Variants in SNTG1 observed in about 807,000 individuals in gnomAD.
The protein encoded by SNTG1 is gamma-1-syntrophin.
In SNTG1, 39 loss-of-function variants were observed where a neutral mutation model predicts 74.7. The observed-to-expected ratio is 0.52, with a 90% CI of 0.40 to 0.68. SNTG1 has a LOEUF of 0.68. Among genes scored for constraint, SNTG1 ranks in the 30% least tolerant of loss-of-function variants. SNTG1 has a pLI of 0.00. For synonymous variants in SNTG1, 254 were observed against 217.1 expected, an observed-to-expected ratio of 1.17 and a Z score of -1.49; for missense variants, 685 against 609.5, an observed-to-expected ratio of 1.12 and a Z score of -1.30.
chr8:50,365,501 A>G (rs945405099), intron 2 of SNTG1, among the ~76,000 whole-genome samples: 6 of 152,128 alleles, frequency 3.9e-5, no homozygotes, highest in African/African-American at 1.2e-4. Context: ...TGCTAGTCAA[A>G]TAATAAGAAA....
chr8:50,577,465 T>A (rs1041983864), intron 12 of SNTG1, among the ~76,000 whole-genome samples: 1 of 151,604 alleles, frequency 6.6e-6, no homozygotes. Context: ...TTTTTTGTTT[T>A]TTTTTTTCTT....
intron 2 of SNTG1, among the ~76,000 whole-genome samples, chr8:50,207,543 G>T (rs1344913478): frequency 6.6e-6 from 1 of 151,840 alleles, no homozygotes; most frequent in African/African-American, 2.4e-5. Flanking sequence ...TTTTTTGAAG[G>T]GTTTTTTTGT....
At chr8:50,496,981 G>A (rs1353240272) in intron 8 of SNTG1, among the ~76,000 whole-genome samples, 27 of 147,270 alleles carry the variant, frequency 1.8e-4, no homozygotes, top group South Asian at 2.1e-4. Context: ...AAGAAAAATT[G>A]AAAAAAAAAA....
chr8:50,004,137 A>G (rs1814997658), intron 1 of SNTG1, among the ~76,000 whole-genome samples: 1 of 152,072 alleles, frequency 6.6e-6, no homozygotes, highest in African/African-American at 2.4e-5. Context: ...ACCATTAATG[A>G]TTTTTGTAAG....
intron 13 of SNTG1, among the ~76,000 whole-genome samples, chr8:50,592,313 T>A (rs2094696942): frequency 6.6e-6 from 1 of 152,228 alleles, no homozygotes; most frequent in African/African-American, 2.4e-5. Context: ...AATGGTGAAT[T>A]ATTTTTTAAT....
intron 15 of SNTG1, among the ~76,000 whole-genome samples, chr8:50,702,982 T>C (rs557986431): frequency 6.6e-6 from 1 of 152,326 alleles, no homozygotes; most frequent in East Asian, 1.9e-4. Flanking sequence ...TGAATGGAGT[T>C]TGCAGAATGG....
intron 2 of SNTG1, among the ~76,000 whole-genome samples, chr8:50,180,864 G>A (rs935778928): frequency 2.7e-5 from 4 of 146,042 alleles, no homozygotes; most frequent in South Asian, 2.2e-4. Flanking sequence ...AGGTTCAAGC[G>A]ACTCTCCGGC....
intron 12 of SNTG1, among the ~76,000 whole-genome samples, chr8:50,570,334 A>G (rs1249114339): frequency 7.1e-6 from 1 of 141,822 alleles, no homozygotes; most frequent in African/African-American, 2.6e-5. Context: ...TCTCGGTTCA[A>G]TGCAACCTCC....
chr8:50,218,936 A>G (rs899754327), intron 2 of SNTG1, among the ~76,000 whole-genome samples: 6 of 152,200 alleles, frequency 3.9e-5, no homozygotes, highest in Non-Finnish European at 8.8e-5. Context: ...TAGCCCAAGT[A>G]TCTGCATTTA....
chr8:50,069,985 G>GTTTCTTGTC (rs1821225812), intron 1 of SNTG1, among the ~76,000 whole-genome samples: 1 of 152,016 alleles, frequency 6.6e-6, no homozygotes, highest in African/African-American at 2.4e-5. Flanking sequence ...GTTCTTGTCA[G>GTTTCTTGTC]TTTCTTGTCT....
intron 2 of SNTG1, among the ~76,000 whole-genome samples, chr8:50,354,690 C>A (rs1215476964): frequency 6.6e-6 from 1 of 152,030 alleles, no homozygotes; most frequent in Non-Finnish European, 1.5e-5. Context: ...GGAGTCCAAG[C>A]ACAGCTCAGG....
chr8:50,384,100 T>C lies in SNTG1; in HGVS notation c.-27-10112T>C, dbSNP rs557155989. ...CATTTCCTAAACTCATGAATTCTGG[T>C]AATGGGAGAGACAGCACCATATATT... On this transcript the variant is annotated intron_variant, in intron 2 of 18. Coordinates refer to ENST00000642720, the MANE Select transcript of SNTG1 (RefSeq NM_018967.5). Among the ~76,000 whole-genome samples the C allele has an allele frequency of 4.6e-5, 7 of 152,262 alleles. No individual in the cohort carries two copies. The East Asian group carries it at 9.7e-4, about 21-fold the overall frequency.
intron 2 of SNTG1, among the ~76,000 whole-genome samples, chr8:50,293,514 A>T (rs2089224873): frequency 6.6e-6 from 1 of 151,226 alleles, no homozygotes. Context: ...GGTTCAAGAG[A>T]TTCTCATGCC....
chr8:50,457,658 G>A (rs551700367), intron 8 of SNTG1, among the ~76,000 whole-genome samples: 1 of 152,168 alleles, frequency 6.6e-6, no homozygotes, highest in Non-Finnish European at 1.5e-5. Flanking sequence ...AGAGCAGATA[G>A]ACAAGACGGG....
intron 8 of SNTG1, among the ~76,000 whole-genome samples, chr8:50,470,924 A>G (rs753684768): frequency 3.9e-5 from 6 of 152,140 alleles, no homozygotes; most frequent in Non-Finnish European, 8.8e-5. Context: ...ACAGAGAGCT[A>G]ATTTGTCCAT....
chr8:50,649,387 T>C (rs989038055), intron 13 of SNTG1, among the ~76,000 whole-genome samples: 1 of 152,114 alleles, frequency 6.6e-6, no homozygotes, highest in African/African-American at 2.4e-5. Context: ...TAATCCCAGC[T>C]ACTCGGGAGG....
chr8:50,377,143 C>T (rs1387053265), intron 2 of SNTG1, among the ~76,000 whole-genome samples: 3 of 151,748 alleles, frequency 2.0e-5, no homozygotes, highest in African/African-American at 7.3e-5. Flanking sequence ...GTGAGAAGGA[C>T]AATTGAGGTG....
chr8:50,625,744 G>A (rs74489237), intron 13 of SNTG1, among the ~76,000 whole-genome samples: 6,499 of 152,128 alleles, frequency 0.043, 245 homozygotes, highest in African/African-American at 0.094. Context: ...ATTCATTAGC[G>A]AATATTCCCA....
chr8:50,744,495 T>C (rs1211864685), intron 17 of SNTG1, among the ~76,000 whole-genome samples: 1 of 152,002 alleles, frequency 6.6e-6, no homozygotes, highest in Non-Finnish European at 1.5e-5. Flanking sequence ...GACAATATGA[T>C]ACAACGCAGT....
Sources: allele counts gnomAD v4.1 joint callset (sites outside exome capture counted in the v4.1 genomes callset), GRCh38; gene constraint gnomAD v4.1.1; transcripts MANE v1.5; gene names NCBI Gene and HGNC (gene_info 2026-07-23, HGNC 2026-07-21).